The following COL24A1 variants were observed in gnomAD, a reference collection of about 807,000 sequenced individuals.
The protein encoded by COL24A1 is collagen type XXIV alpha 1 chain.
COL24A1 carries 224 observed loss-of-function variants against 253.9 expected under a neutral mutation model. That is an observed-to-expected ratio of 0.88 (90% CI 0.79 to 0.99). The LOEUF is 0.99. Among genes scored for constraint, COL24A1 ranks in the 50% least tolerant of loss-of-function variants. The probability of loss-of-function intolerance (pLI) is 0.00; values close to 1 mark genes in which losing one functional copy is unlikely to be tolerated. For synonymous variants in COL24A1, 685 were observed against 673.7 expected (o/e 1.02, Z -0.26); for missense variants, 2,131 against 2,068.5 (o/e 1.03, Z -0.59).
chr1:86,115,436 G>A (rs1009376066), intron 3 of COL24A1, 58 bp from the exon 4 acceptor site: 28 of 1,505,632 alleles, frequency 1.9e-5, no homozygotes, highest in African/African-American at 5.5e-5. Flanking sequence ...ATTTTCTTAC[G>A]AGTCTGAATA....
intron 43 of COL24A1, among the ~76,000 whole-genome samples, chr1:85,832,934 A>G (rs996485925): frequency 7.3e-5 from 11 of 151,378 alleles, no homozygotes; most frequent in African/African-American, 2.7e-4. Context: ...CTCCTGCCTA[A>G]TTGCCCTGGC....
At chr1:86,016,001 C>T (rs7525617) in intron 19 of COL24A1, among the ~76,000 whole-genome samples, 8,747 of 151,012 alleles carry the variant, frequency 0.058, 567 homozygotes, top group African/African-American at 0.16. Flanking sequence ...GCTGGGACTA[C>T]AGGTGTGAGC....
At chr1:86,043,251 G>A (rs1036014135) in intron 12 of COL24A1, among the ~76,000 whole-genome samples, 14 of 151,500 alleles carry the variant, frequency 9.2e-5, no homozygotes, top group Non-Finnish European at 8.8e-5. Context: ...TGACTATATC[G>A]CTCTACCTAA....
intron 1 of COL24A1, 39 bp downstream of exon 1, chr1:86,156,302 G>C (rs1653605323): frequency 6.4e-7 from 1 of 1,573,058 alleles, no homozygotes; most frequent in Non-Finnish European, 8.7e-7. Context: ...GAGAGGGGTT[G>C]GTCTAACCCC....
chr1:86,075,086 A>G (rs574555250), intron 7 of COL24A1, among the ~76,000 whole-genome samples: 1 of 152,184 alleles, frequency 6.6e-6, no homozygotes, highest in Non-Finnish European at 1.5e-5. Context: ...TCTTCAAAAA[A>G]TCAATGAATC....
intron 24 of COL24A1, among the ~76,000 whole-genome samples, chr1:85,919,015 A>G (rs1001594614): frequency 6.6e-6 from 1 of 152,128 alleles, no homozygotes; most frequent in African/African-American, 2.4e-5. Context: ...TGTAACTTCA[A>G]ATAAATAGAA....
chr1:86,139,170 G>T (rs1650708280), intron 2 of COL24A1, among the ~76,000 whole-genome samples: 1 of 36,792 alleles, frequency 2.7e-5, no homozygotes, highest in South Asian at 2.4e-3. Context: ...AGATGAGGGA[G>T]AAGGAGAAAG....
At chr1:86,039,928 C>A (rs1387314651) in intron 12 of COL24A1, among the ~76,000 whole-genome samples, 1 of 152,138 alleles carries the variant, frequency 6.6e-6, no homozygotes, top group East Asian at 1.9e-4. Flanking sequence ...TCAGGGTCAA[C>A]CCTATCCTCA....
chr1:86,083,293 G>A (rs1247411971), intron 7 of COL24A1, among the ~76,000 whole-genome samples: 1 of 147,008 alleles, frequency 6.8e-6, no homozygotes, highest in Non-Finnish European at 1.5e-5. Flanking sequence ...GCGAGGCTCC[G>A]TCTCAAAAAA....
In COL24A1 at chr1:86,092,331, T is replaced by C. The variant is rs1351698967; in HGVS notation, c.1600-11A>G. 5.0e-6 allele frequency: 8 copies of C among 1,597,760 alleles called. No individual in the cohort carries two copies. Among genetic ancestry groups the C allele is most frequent in the East Asian group, 2.2e-5 (1 of 44,666 alleles). ...ATCTCCTTTGGGGCCCTAAATAAAA[T>C]AGTTATAAAACAGTTGGTGAAGCAT... On this transcript the variant is annotated splice_polypyrimidine_tract_variant and intron_variant, in intron 5 of 59. Coordinates refer to ENST00000370571, the MANE Select transcript of COL24A1 (RefSeq NM_152890.7).
At chr1:85,798,342 C>G (rs380654) in intron 47 of COL24A1, among the ~76,000 whole-genome samples, 50,853 of 151,748 alleles carry the variant, frequency 0.34, 9,900 homozygotes, top group East Asian at 0.57. Context: ...TGGAAGAGTT[C>G]CTAATGAGTA....
At chr1:85,856,108 C>G (rs1678410886) in intron 37 of COL24A1, among the ~76,000 whole-genome samples, 1 of 152,186 alleles carries the variant, frequency 6.6e-6, no homozygotes, top group Non-Finnish European at 1.5e-5. Context: ...ATTAGTCTAG[C>G]TAATGGTCTA....
chr1:86,107,051 A>C (rs1168088902), intron 5 of COL24A1, among the ~76,000 whole-genome samples: 4 of 152,226 alleles, frequency 2.6e-5, no homozygotes, highest in Non-Finnish European at 5.9e-5. Context: ...CCACTTTGTT[A>C]CTATTACTAA....
intron 10 of COL24A1, among the ~76,000 whole-genome samples, chr1:86,051,338 C>T (rs679734): frequency 0.43 from 64,915 of 151,808 alleles, 14,537 homozygotes; most frequent in Middle Eastern, 0.64. Flanking sequence ...CATGATTATG[C>T]AATAGGTGAT....
chr1:85,903,079 A>G (rs10873732), intron 28 of COL24A1, among the ~76,000 whole-genome samples: 27,272 of 151,980 alleles, frequency 0.18, 2,591 homozygotes, highest in African/African-American at 0.2. Flanking sequence ...AAAAAAACCC[A>G]TTACTTAGAA....
At chr1:86,037,466 C>A (rs980644770) in intron 12 of COL24A1, among the ~76,000 whole-genome samples, 1 of 152,166 alleles carries the variant, frequency 6.6e-6, no homozygotes, top group African/African-American at 2.4e-5. Context: ...GGTGACTCTG[C>A]AAACTCTGGA....
At position 85,730,605 on chromosome 1, in the gene COL24A1, G is replaced by A; in HGVS notation, c.5086C>T (p.Pro1696Ser). The change falls in exon 60 of 60, where the codon CCT (proline) becomes TCT (serine). Residue 1696 changes from proline (P) to serine (S), a missense_variant. Coordinates refer to ENST00000370571, the MANE Select transcript of COL24A1 (RefSeq NM_152890.7). ...QLPVIEVQKL[P>S]HLKTERKYYI... ...TACTTTCGTTCAGTTTTGAGATGAG[G>A]AAGTTTTTGTACTTCAATCACTGGA... 6.2e-7 allele frequency: 1 copy of A among 1,614,024 alleles called. No homozygotes were observed. Among genetic ancestry groups the A allele is most frequent in the Non-Finnish European group, 8.5e-7 (1 of 1,179,928 alleles).
chr1:86,080,315 T>C (rs560113403), intron 7 of COL24A1, among the ~76,000 whole-genome samples: 4 of 152,000 alleles, frequency 2.6e-5, no homozygotes, highest in African/African-American at 7.2e-5. Context: ...GAAGGGAGCA[T>C]AGTTAATGAG....
At chr1:85,996,530 G>A (rs1353211564) in intron 19 of COL24A1, among the ~76,000 whole-genome samples, 1 of 107,224 alleles carries the variant, frequency 9.3e-6, no homozygotes, top group East Asian at 3.5e-4. Flanking sequence ...CAGCTACTAG[G>A]GAGGCTGAGG....
Sources: allele counts gnomAD v4.1 joint callset (sites outside exome capture counted in the v4.1 genomes callset), GRCh38; gene constraint gnomAD v4.1.1; transcripts MANE v1.5; gene names NCBI Gene and HGNC (gene_info 2026-07-23, HGNC 2026-07-21).